DOCK7: variants seen among roughly 807,000 people sequenced by gnomAD.
DOCK7 encodes dedicator of cytokinesis 7.
A neutral mutation model predicts 271.0 loss-of-function variants in DOCK7; 138 were observed. That is an observed-to-expected ratio of 0.51 (90% CI 0.44 to 0.59). The LOEUF (loss-of-function observed/expected upper bound fraction) is 0.59, where lower values mean the gene tolerates loss of function less well. Ranked by LOEUF, DOCK7 falls within the 20% of genes least tolerant of loss-of-function variation. The pLI is 0.00. For synonymous variants in DOCK7, 823 were observed against 876.1 expected, an observed-to-expected ratio of 0.94 and a Z score of 1.07; for missense variants, 2,066 against 2,592.4, an observed-to-expected ratio of 0.80 and a Z score of 4.41.
At position 62,663,129 on chromosome 1, in the gene DOCK7, T is replaced by C; in HGVS notation, c.40A>G (p.Thr14Ala). The C allele has an allele frequency of 1.2e-6, 2 of 1,610,210 alleles. No homozygotes were observed. Among genetic ancestry groups the C allele is most frequent in the South Asian group, 1.1e-5 (1 of 90,198 alleles). ...TGCTTCCTAACTTCGGCTGCCACCG[T>C]TCTACAATGAAGAAAGCAAAAACAT... is the stretch of plus-strand genomic sequence containing the variant. ...RRAFAQKISR[T>A]VAAEVRKQIS... The change falls in exon 2 of 50, where the codon ACG (threonine) becomes GCG (alanine). Residue 14 changes from threonine to alanine, a missense_variant and splice_region_variant. Transcript: ENST00000635253.
chr1:62,586,615 GAGA>G lies in DOCK7; in HGVS notation c.1689_1691del (p.Leu564del), dbSNP rs764474661. On this transcript the variant is annotated inframe_deletion, in exon 15 of 50. Coordinates refer to ENST00000635253, the MANE Select transcript of DOCK7 (RefSeq NM_001367561.1). ...AATTAAGACTCTGAGGGTATATGTA[GAGA>G]AGATTTCTGTGAAAGCAACAGTATA... 6.2e-7 allele frequency: 1 copy of G among 1,600,708 alleles called. No individual in the cohort carries two copies. Among genetic ancestry groups the G allele is most frequent in the Non-Finnish European group, 8.5e-7 (1 of 1,169,844 alleles).
intron 9 of DOCK7, chr1:62,633,879 G>C (rs1029745930): frequency 4.3e-6 from 1 of 231,394 alleles, no homozygotes; most frequent in African/African-American, 2.3e-5. Flanking sequence ...AACAAGACAA[G>C]AATGCCCACA....
chr1:62,666,419 C>T (rs1323618358), intron 1 of DOCK7, among the ~76,000 whole-genome samples: 1 of 152,040 alleles, frequency 6.6e-6, no homozygotes, highest in Non-Finnish European at 1.5e-5. Context: ...TTAATTTCCC[C>T]CCAAAAAAGA....
At chr1:62,636,494 AATG>A in intron 8 of DOCK7, 40 bp downstream of exon 8, 1 of 1,459,050 alleles carries the variant, frequency 6.9e-7, no homozygotes, top group Non-Finnish European at 9.4e-7. Context: ...TTCTGAAACC[AATG>A]ATTATGACAA....
chr1:62,586,191 T>G (rs1417050928), intron 15 of DOCK7, among the ~76,000 whole-genome samples: 1 of 152,194 alleles, frequency 6.6e-6, no homozygotes, highest in Admixed American at 6.5e-5. Flanking sequence ...ATCTCTACTT[T>G]GATAGAGTTC....
intron 7 of DOCK7, among the ~76,000 whole-genome samples, chr1:62,643,038 TCTC>T (rs1656228758): frequency 6.6e-6 from 1 of 152,048 alleles, no homozygotes; most frequent in African/African-American, 2.4e-5. Flanking sequence ...CAGCTTCCAC[TCTC>T]CTTTTTCTGA....
chr1:62,556,245 A>C (rs1247753587), intron 20 of DOCK7, among the ~76,000 whole-genome samples: 3 of 152,200 alleles, frequency 2.0e-5, no homozygotes, highest in East Asian at 1.9e-4. Flanking sequence ...TAGTCAAAAA[A>C]GAAAACAATG....
chr1:62,570,057 A>G (rs1646720250), intron 18 of DOCK7, among the ~76,000 whole-genome samples: 1 of 152,184 alleles, frequency 6.6e-6, no homozygotes, highest in East Asian at 1.9e-4. Flanking sequence ...GGCCAGGGCA[A>G]TCAGACAAGA....
At chr1:62,496,924 T>A (rs1398059741) in intron 37 of DOCK7, among the ~76,000 whole-genome samples, 2 of 152,188 alleles carry the variant, frequency 1.3e-5, no homozygotes, top group Non-Finnish European at 2.9e-5. Context: ...ACATCATGCA[T>A]AAAGTAATGT....
chr1:62,560,623 A>G (rs1309562459), intron 19 of DOCK7, among the ~76,000 whole-genome samples: 5 of 152,052 alleles, frequency 3.3e-5, no homozygotes, highest in African/African-American at 7.2e-5. Flanking sequence ...ATGTATCATG[A>G]TTTCCTACAC....
rs1388341626 is a variant in DOCK7 at position 62,455,470 on chromosome 1, G to A, written c.6381-14C>T. ...CTGAAGGAATCTCTGGGAAAAAAAT[G>A]AGAGGACATAGTTAGTTAAAGAGAA... On this transcript the variant is annotated splice_polypyrimidine_tract_variant and intron_variant, in intron 49 of 49. Transcript: ENST00000635253. 1.2e-6 allele frequency: 2 copies of A among 1,612,826 alleles called. No homozygotes were observed. Among genetic ancestry groups the A allele is most frequent in the Non-Finnish European group, 1.7e-6 (2 of 1,179,168 alleles).
chr1:62,501,220 C>T (rs1646774420), intron 37 of DOCK7, among the ~76,000 whole-genome samples: 1 of 152,016 alleles, frequency 6.6e-6, no homozygotes, highest in Non-Finnish European at 1.5e-5. Flanking sequence ...GAATATTACT[C>T]CTAAGAACCT....
intron 29 of DOCK7, among the ~76,000 whole-genome samples, chr1:62,533,741 C>A (rs1040475767): frequency 6.6e-6 from 1 of 152,150 alleles, no homozygotes; most frequent in East Asian, 1.9e-4. Flanking sequence ...ACAATTTATT[C>A]GGTATTGACT....
chr1:62,637,374 C>T (rs1427379454), intron 7 of DOCK7, among the ~76,000 whole-genome samples: 1 of 152,130 alleles, frequency 6.6e-6, no homozygotes, highest in Non-Finnish European at 1.5e-5. Flanking sequence ...GTGAGGTTAA[C>T]TAAAACTCTA....
rs909622081 is a variant in DOCK7 at position 62,568,585 on chromosome 1, G to A, written c.2113-6882C>T. 4.7e-4 allele frequency among the ~76,000 whole-genome samples: 66 copies of A among 140,338 alleles called. 1 individual carries two copies. The highest frequency in any genetic ancestry group is 8.2e-4 in the East Asian group (4 of 4,860). The allele number at this position is 140,338 out of a possible 152,430, so 92.1% of individuals were successfully genotyped here. ...ATTCCAACGTGCTTGGATTGCAGGC[G>A]TGAGCCACTGTGCCCTGCCTAAAAA... is the stretch of plus-strand genomic sequence containing the variant. On this transcript the variant is annotated intron_variant, in intron 18 of 49. Transcript: ENST00000635253.
rs201742189 is a variant in DOCK7 at position 62,544,935 on chromosome 1, T to C, written c.2859+12A>G. On this transcript the variant is annotated intron_variant, in intron 23 of 49. Coordinates refer to ENST00000635253, the MANE Select transcript of DOCK7 (RefSeq NM_001367561.1). Reference sequence around the variant, plus strand: ...CAGCAGCCAATAAAGAAACCTCTAATATAAACACCACCTGTGTTGATTCTG... The same window carrying C: ...CAGCAGCCAATAAAGAAACCTCTAACATAAACACCACCTGTGTTGATTCTG... The C allele has an allele frequency of 4.4e-3, 6,795 of 1,545,454 alleles. 25 individuals carry two copies. The highest frequency in any genetic ancestry group is 5.6e-3 in the Non-Finnish European group (6,346 of 1,143,412).
intron 43 of DOCK7, chr1:62,483,985 T>G (rs1646218376): frequency 6.6e-6 from 1 of 152,208 alleles, no homozygotes; most frequent in Non-Finnish European, 1.5e-5. Context: ...TTTCCCTCTT[T>G]CAGAGTTGAT....
intron 25 of DOCK7, among the ~76,000 whole-genome samples, chr1:62,540,747 T>C (rs1226470796): frequency 6.6e-6 from 1 of 152,154 alleles, no homozygotes; most frequent in Non-Finnish European, 1.5e-5. Flanking sequence ...GAAGCTAAAG[T>C]CCTAAACTTA....
intron 7 of DOCK7, 147 bp from the exon 8 acceptor site, chr1:62,636,750 A>T: frequency 1.6e-6 from 1 of 616,208 alleles, no homozygotes; most frequent in South Asian, 2.2e-5. Flanking sequence ...TTCTTGAAAT[A>T]CACTCTTCTA....
Sources: allele counts gnomAD v4.1 joint callset (sites outside exome capture counted in the v4.1 genomes callset), GRCh38; gene constraint gnomAD v4.1.1; transcripts MANE v1.5; gene names NCBI Gene and HGNC (gene_info 2026-07-23, HGNC 2026-07-21).